Variants in ANKHD1 observed in about 807,000 individuals in gnomAD.
ANKHD1 encodes ankyrin repeat and KH domain containing 1.
Under a neutral mutation model 230.5 loss-of-function variants are expected in ANKHD1, and 31 were observed. That is an observed-to-expected ratio of 0.13 (90% CI 0.10 to 0.18). The LOEUF is 0.18. ANKHD1 is among the 10% of genes least tolerant of loss of function. ANKHD1 has a pLI of 1.00. For synonymous variants in ANKHD1, 1,074 were observed against 1,117.6 expected (o/e 0.96, Z 0.78); for missense variants, 2,256 against 3,071.3 (o/e 0.73, Z 6.27).
intron 1 of ANKHD1, among the ~76,000 whole-genome samples, chr5:140,431,517 T>A (rs1387814192): frequency 1.3e-5 from 2 of 152,210 alleles, no homozygotes; most frequent in Non-Finnish European, 2.9e-5. Flanking sequence ...TGTTTCAAAA[T>A]GCTTTTACCT....
At chr5:140,492,975 AT>A (rs907544663) in intron 14 of ANKHD1, among the ~76,000 whole-genome samples, 1 of 152,138 alleles carries the variant, frequency 6.6e-6, no homozygotes, top group African/African-American at 2.4e-5. Flanking sequence ...TCTAATACAG[AT>A]TTTTTCTAGT....
rs1276801561 is a variant in ANKHD1 at position 140,487,155 on chromosome 5, C to G, written c.2245+95C>G. ...TTAATGATACAGAGTTACTGTGTAC[C>G]CATGGCTAATTGAGGTAGATAATTC... On this transcript the variant is annotated intron_variant, in intron 14 of 33. Coordinates refer to ENST00000360839, the MANE Select transcript of ANKHD1 (RefSeq NM_017747.3). The G allele has an allele frequency of 2.4e-6, 3 of 1,263,510 alleles. No individual in the cohort carries two copies. The African/African-American group carries it at 4.5e-5, about 19-fold the overall frequency. The allele number at this position is 1,263,510 out of a possible 1,614,324, so 78.3% of individuals were successfully genotyped here.
intron 6 of ANKHD1, among the ~76,000 whole-genome samples, chr5:140,448,168 A>G (rs1009336990): frequency 7.9e-5 from 12 of 152,166 alleles, no homozygotes; most frequent in African/African-American, 2.7e-4. Context: ...CCACTGGACT[A>G]TAGCCTGGCC....
chr5:140,511,339 G>A (rs1752760066), intron 22 of ANKHD1, among the ~76,000 whole-genome samples: 1 of 152,130 alleles, frequency 6.6e-6, no homozygotes, highest in South Asian at 2.1e-4. Context: ...GGCCTAGAAT[G>A]CACTAAATTT....
intron 11 of ANKHD1, 135 bp downstream of exon 11, chr5:140,482,802 T>C: frequency 2.2e-6 from 2 of 924,366 alleles, no homozygotes. Flanking sequence ...TATTATATTT[T>C]ATTTAGTAAG....
rs1482261330 is a variant in ANKHD1 at position 140,440,415 on chromosome 5, A to C, written c.765+149A>C. ...CCTTTTTGGTAGTGGGTAAAGTAGA[A>C]ACAGATAACACAGTTTATTTTGTTG... is the stretch of plus-strand genomic sequence containing the variant. On this transcript the variant is annotated intron_variant, in intron 4 of 33. Coordinates refer to ENST00000360839, the MANE Select transcript of ANKHD1 (RefSeq NM_017747.3). The C allele has an allele frequency of 7.3e-6, 9 of 1,236,544 alleles. No homozygotes were observed. In the Admixed American group the frequency reaches 3.2e-4, roughly 44 times the overall value. 76.6% of individuals were successfully genotyped at this position (1,236,544 alleles called of 1,614,324 possible).
intron 11 of ANKHD1, chr5:140,484,836 C>A: frequency 4.9e-6 from 1 of 205,800 alleles, no homozygotes; most frequent in Non-Finnish European, 9.4e-6. Context: ...AAACTAAAAC[C>A]AGTTTGGAAG....
intron 7 of ANKHD1, among the ~76,000 whole-genome samples, chr5:140,449,548 G>A (rs886163619): frequency 4.6e-5 from 7 of 152,002 alleles, no homozygotes; most frequent in African/African-American, 7.2e-5. Flanking sequence ...TGTAGTCCCA[G>A]CTACTCGGGA....
intron 7 of ANKHD1, among the ~76,000 whole-genome samples, chr5:140,452,861 G>A (rs550255713): frequency 5.4e-4 from 83 of 152,310 alleles, no homozygotes; most frequent in African/African-American, 2.0e-3. Context: ...GAACAAAGCT[G>A]GATGGAGAAT....
chr5:140,449,895 G>T (rs529309139), intron 7 of ANKHD1, among the ~76,000 whole-genome samples: 1 of 152,086 alleles, frequency 6.6e-6, no homozygotes, highest in South Asian at 2.1e-4. Context: ...AAAATATATT[G>T]ACTCAAACTG....
rs186589799 is a variant in ANKHD1 at position 140,479,207 on chromosome 5, T to C, written c.1783-3373T>C. The stretch of plus-strand genomic sequence containing the variant: ...TTTTACGGGGTTTCACCATGTTAGC[T>C]TGGATGGTCTCAATCTCCTGACCTC... On this transcript the variant is annotated intron_variant, in intron 10 of 33. Transcript: ENST00000360839. Among the ~76,000 whole-genome samples the C allele has an allele frequency of 5.7e-4, 86 of 150,176 alleles. 1 individual carries two copies. The East Asian group carries it at 0.016, about 28-fold the overall frequency.
intron 1 of ANKHD1, among the ~76,000 whole-genome samples, chr5:140,412,488 C>T (rs1435630219): frequency 6.6e-6 from 1 of 152,148 alleles, no homozygotes; most frequent in Non-Finnish European, 1.5e-5. Context: ...AATGAAATTA[C>T]TGTCATGTAG....
At chr5:140,413,879 C>G (rs547338506) in intron 1 of ANKHD1, among the ~76,000 whole-genome samples, 13 of 152,078 alleles carry the variant, frequency 8.5e-5, no homozygotes, top group Non-Finnish European at 1.9e-4. Flanking sequence ...CTCCTGGGTT[C>G]AAGTGATTCT....
intron 1 of ANKHD1, among the ~76,000 whole-genome samples, chr5:140,412,325 C>T (rs151124843): frequency 0.015 from 2,258 of 152,106 alleles, 49 homozygotes; most frequent in South Asian, 0.057. Context: ...CCACCGTGCC[C>T]GGCTATTTTT....
chr5:140,480,849 A>G (rs1272270763), intron 10 of ANKHD1, among the ~76,000 whole-genome samples: 1 of 152,140 alleles, frequency 6.6e-6, no homozygotes, highest in African/African-American at 2.4e-5. Context: ...AGACAAGATC[A>G]TTCCTCTCAT....
chr5:140,429,090 A>AT (rs373838876), intron 1 of ANKHD1, among the ~76,000 whole-genome samples: 5,879 of 109,544 alleles, frequency 0.054, 183 homozygotes, highest in African/African-American at 0.08. Flanking sequence ...CCGGCCTAGA[A>AT]TTTTTTTTTT....
intron 24 of ANKHD1, among the ~76,000 whole-genome samples, chr5:140,518,191 A>C (rs1441629429): frequency 6.6e-6 from 1 of 152,202 alleles, no homozygotes; most frequent in African/African-American, 2.4e-5. Flanking sequence ...AATCTAGAAG[A>C]AATGGATAAA....
chr5:140,456,971 G>A (rs1282966248), intron 7 of ANKHD1, among the ~76,000 whole-genome samples: 3 of 151,862 alleles, frequency 2.0e-5, no homozygotes, highest in Non-Finnish European at 2.9e-5. Context: ...GACAAAGGGC[G>A]AATATCCAGA....
chr5:140,473,219 G>A (rs997083427), intron 10 of ANKHD1, among the ~76,000 whole-genome samples: 2 of 151,430 alleles, frequency 1.3e-5, no homozygotes, highest in Non-Finnish European at 2.9e-5. Context: ...TAGTAGAGAC[G>A]GGGTTTCACC....
Sources: allele counts gnomAD v4.1 joint callset (sites outside exome capture counted in the v4.1 genomes callset), GRCh38; gene constraint gnomAD v4.1.1; transcripts MANE v1.5; gene names NCBI Gene and HGNC (gene_info 2026-07-23, HGNC 2026-07-21).